Variants in ABCB10 observed in about 807,000 individuals in gnomAD.
The protein encoded by ABCB10 is ATP-binding cassette sub-family B member 10, mitochondrial.
In ABCB10, 54 loss-of-function variants were observed where a neutral mutation model predicts 65.4. That is an observed-to-expected ratio of 0.83 (90% CI 0.66 to 1.04). The LOEUF is 1.04. Among genes scored for constraint, ABCB10 ranks in the 50% least tolerant of loss-of-function variants. The probability of loss-of-function intolerance (pLI) is 0.00; values close to 1 mark genes in which losing one functional copy is unlikely to be tolerated. For synonymous variants in ABCB10, 418 were observed against 406.5 expected (o/e 1.03, Z -0.34); for missense variants, 846 against 976.6 (o/e 0.87, Z 1.78).
rs902563724 is a variant in ABCB10 at position 229,530,282 on chromosome 1, G to A, written c.1562C>T (p.Ser521Phe). 15 of 1,614,174 alleles carry A rather than the reference G, an allele frequency of 9.3e-6. No individual in the cohort carries two copies. The highest frequency in any genetic ancestry group is 1.3e-5 in the Non-Finnish European group (15 of 1,180,038). Residue 521 changes from serine (S) to phenylalanine (F), a missense_variant, in exon 8 of 13, where the codon TCT becomes TTT. Physicochemically the swap from Ser to Phe is radical, Grantham distance 155 (BLOSUM62 -2). Around this residue, in one of 2 missense-constraint regions of ABCB10, gnomAD observed 632 missense variants for 803.2 expected, o/e 0.79. Coordinates refer to ENST00000344517, the MANE Select transcript of ABCB10 (RefSeq NM_012089.3). ...QDFSLSIPSG[S>F]VTALVGPSGS... Reference sequence around the variant, plus strand: ...ACTTGGGCCAACCAGTGCCGTGACAGATCCTGACGGAATGGAAAGGCTGAA... The same window carrying A: ...ACTTGGGCCAACCAGTGCCGTGACAAATCCTGACGGAATGGAAAGGCTGAA...
At chr1:229,527,881 T>C (rs920945314) in intron 8 of ABCB10, among the ~76,000 whole-genome samples, 4 of 152,246 alleles carry the variant, frequency 2.6e-5, no homozygotes, top group African/African-American at 7.2e-5. Context: ...CCAGTGATTT[T>C]TGAGCTCTTT....
chr1:229,547,764 G>A (rs1334233161), intron 2 of ABCB10, 63 bp from the exon 3 acceptor site: 21 of 1,529,640 alleles, frequency 1.4e-5, no homozygotes, highest in Non-Finnish European at 1.9e-5. Context: ...TTATGGGGCA[G>A]CCACTTACTG....
intron 3 of ABCB10, among the ~76,000 whole-genome samples, chr1:229,544,577 A>G (rs1025929879): frequency 1.3e-5 from 2 of 152,174 alleles, no homozygotes; most frequent in African/African-American, 4.8e-5. Flanking sequence ...TGCAGGAGAA[A>G]CAAAGTCACA....
Position 229,517,268 on chromosome 1 carries a change from T to G in ABCB10, c.*911A>C, listed in dbSNP as rs138822742. The G allele has an allele frequency of 1.1e-3, 162 of 152,340 alleles. 1 individual carries two copies. The highest frequency in any genetic ancestry group is 3.7e-3 in the African/African-American group (154 of 41,584). 9.4% of individuals were successfully genotyped at this position (152,340 alleles called of 1,614,324 possible). On this transcript the variant is annotated 3_prime_UTR_variant, in exon 13 of 13. Coordinates refer to ENST00000344517, the MANE Select transcript of ABCB10 (RefSeq NM_012089.3). ...GTCTTAAGGCTGAAAATTAGTTATA[T>G]TCCTCAAATTTTAGCCTTATTAATG...
intron 3 of ABCB10, among the ~76,000 whole-genome samples, chr1:229,544,760 G>A (rs892538291): frequency 1.3e-5 from 2 of 152,210 alleles, no homozygotes; most frequent in East Asian, 1.9e-4. Context: ...AAATGAGGTC[G>A]TTAAGTGTGG....
At chr1:229,540,852 G>GAAAGAAAAGA in intron 4 of ABCB10, 100 bp from the exon 5 acceptor site, 2 of 1,332,622 alleles carry the variant, frequency 1.5e-6, no homozygotes, top group South Asian at 3.1e-5. Context: ...TTATTCATTA[G>GAAAGAAAAGA]AAAGAAAAGA....
intron 1 of ABCB10, among the ~76,000 whole-genome samples, chr1:229,553,454 G>A (rs889769413): frequency 6.6e-6 from 1 of 152,126 alleles, no homozygotes; most frequent in Non-Finnish European, 1.5e-5. Flanking sequence ...AGAGCGAAAG[G>A]AGCAGCGGAC....
At chr1:229,552,030 T>G (rs1468897115) in intron 1 of ABCB10, among the ~76,000 whole-genome samples, 2 of 151,706 alleles carry the variant, frequency 1.3e-5, no homozygotes, top group East Asian at 3.8e-4. Context: ...TGATTCTGAG[T>G]CTTGTTCTCA....
chr1:229,553,826 T>C (rs1262730488), intron 1 of ABCB10, among the ~76,000 whole-genome samples: 5 of 151,928 alleles, frequency 3.3e-5, no homozygotes. Flanking sequence ...AGTCACTCCA[T>C]CTCTCTGTGC....
intron 8 of ABCB10, 56 bp downstream of exon 8, chr1:229,530,143 A>C: frequency 6.3e-7 from 1 of 1,576,180 alleles, no homozygotes; most frequent in Non-Finnish European, 8.7e-7. Context: ...AGGGCGCAAA[A>C]GTGGGAGCAG....
intron 3 of ABCB10, among the ~76,000 whole-genome samples, chr1:229,545,042 T>A: frequency 6.6e-6 from 1 of 152,228 alleles, no homozygotes; most frequent in African/African-American, 2.4e-5. Flanking sequence ...CCTCCAGAAT[T>A]GTGAGAAATA....
chr1:229,518,325 G>A lies in ABCB10; in HGVS notation c.2071C>T (p.Arg691Cys). Residue 691 changes from arginine (R) to cysteine (C), a missense_variant, in exon 13 of 13, where the codon CGT becomes TGT. This residue lies in a region of ABCB10 where 632 missense variants were observed against 803.2 expected (regional missense o/e 0.79). Coordinates refer to ENST00000344517, the MANE Select transcript of ABCB10 (RefSeq NM_012089.3). Reference sequence around the variant, plus strand: ...TTAGCATTCTTAATGGTGGACAGACGATGGGCAATAACTAACACCGTTCTT... The same window carrying A: ...TTAGCATTCTTAATGGTGGACAGACAATGGGCAATAACTAACACCGTTCTT... Reference protein sequence around the residue: ...DGRTVLVIAHRLSTIKNANMV... With the variant: ...DGRTVLVIAHCLSTIKNANMV... 2.5e-6 allele frequency: 4 copies of A among 1,614,172 alleles called. No individual in the cohort carries two copies. The highest frequency in any genetic ancestry group is 3.4e-6 in the Non-Finnish European group (4 of 1,180,034).
Position 229,540,663 on chromosome 1 carries a change from G to T in ABCB10, c.1146C>A (p.Asp382Glu), listed in dbSNP as rs763386811. The change falls in exon 5 of 13, where the codon GAC becomes GAA. Residue 382 changes from aspartate (D) to glutamate (E), a missense_variant. Coordinates refer to ENST00000344517, the MANE Select transcript of ABCB10 (RefSeq NM_012089.3). ...TEIEKYASKVDHVMQLARKEA... is the reference protein window; with the variant it reads ...TEIEKYASKVEHVMQLARKEA... The stretch of plus-strand genomic sequence containing the variant: ...CTTTCCTTGCTAACTGCATTACATG[G>T]TCCACTTTGCTGGCATATTTCTCGA... The T allele has an allele frequency of 2.7e-5, 44 of 1,612,510 alleles. No homozygotes were observed. Among genetic ancestry groups the T allele is most frequent in the Non-Finnish European group, 3.5e-5 (41 of 1,179,986 alleles).
At chr1:229,520,304 T>C (rs947738542) in intron 11 of ABCB10, among the ~76,000 whole-genome samples, 1 of 151,768 alleles carries the variant, frequency 6.6e-6, no homozygotes, top group Non-Finnish European at 1.5e-5. Context: ...ACCCCACCTC[T>C]ACTAAAAATA....
intron 9 of ABCB10, among the ~76,000 whole-genome samples, chr1:229,526,690 C>T (rs1662453034): frequency 6.6e-6 from 1 of 152,188 alleles, no homozygotes; most frequent in African/African-American, 2.4e-5. Flanking sequence ...TGTGCACAGC[C>T]TGGTAATAAA....
At chr1:229,530,017 A>G (rs1382618048) in intron 8 of ABCB10, among the ~76,000 whole-genome samples, 182 bp downstream of exon 8, 1 of 152,266 alleles carries the variant, frequency 6.6e-6, no homozygotes, top group Non-Finnish European at 1.5e-5. Context: ...AGGCCTCTGT[A>G]TGAGCTGTCA....
intron 10 of ABCB10, among the ~76,000 whole-genome samples, chr1:229,525,016 G>C (rs1369602253): frequency 6.6e-6 from 1 of 152,106 alleles, no homozygotes; most frequent in Non-Finnish European, 1.5e-5. Context: ...ACCACGCCCA[G>C]CTAACTTTTT....
rs1462160327 is a variant in ABCB10, at chr1:229,558,175, G to A, written c.478C>T (p.Leu160Phe). The A allele has an allele frequency of 1.4e-6, 2 of 1,435,662 alleles. No individual in the cohort carries two copies. The highest frequency in any genetic ancestry group is 1.8e-6 in the Non-Finnish European group (2 of 1,097,794). 88.9% of individuals were successfully genotyped at this position (1,435,662 alleles called of 1,614,324 possible). The change falls in exon 1 of 13, where the codon CTC becomes TTC. Residue 160 changes from leucine (L) to phenylalanine (F), a missense_variant. Coordinates refer to ENST00000344517, the MANE Select transcript of ABCB10 (RefSeq NM_012089.3). ...CGCTCAGGGTACGCCAGCCCCAGGA[G>A]CTTCCGGGCCTCCGGGAGTCCGGCC... ...AAAGLPEARK[L>F]LGLAYPERRR...
At chr1:229,530,886 G>A (rs1300721174) in intron 7 of ABCB10, among the ~76,000 whole-genome samples, 2 of 152,196 alleles carry the variant, frequency 1.3e-5, no homozygotes, top group African/African-American at 4.8e-5. Context: ...CACAGCAGCC[G>A]CAGAACTGGA....
Sources: gnomAD v4.1 joint callset for allele counts (sites outside exome capture counted in the v4.1 genomes callset) on GRCh38, gnomAD v4.1.1 for gene constraint, gnomAD v4.1.1 regional missense constraint, MANE v1.5 for transcripts, NCBI Gene and HGNC (gene_info 2026-07-23, HGNC 2026-07-21) for gene names.